Variants in EPB41L4B observed in about 807,000 individuals in gnomAD.
The protein encoded by EPB41L4B is band 4.1-like protein 4B.
EPB41L4B carries 30 observed loss-of-function variants against 112.5 expected under a neutral mutation model. The observed-to-expected ratio is 0.27, with a 90% CI of 0.20 to 0.36. The LOEUF is 0.36. Ranked by LOEUF, EPB41L4B falls within the 10% of genes least tolerant of loss-of-function variation. The probability of loss-of-function intolerance (pLI) is 1.00; values close to 1 mark genes in which losing one functional copy is unlikely to be tolerated. For synonymous variants in EPB41L4B, 408 were observed against 439.7 expected, an observed-to-expected ratio of 0.93 and a Z score of 0.90; for missense variants, 1,024 against 1,133.3, an observed-to-expected ratio of 0.90 and a Z score of 1.38.
chr9:109,318,149 ACG>A (rs1491485686), intron 1 of EPB41L4B, among the ~76,000 whole-genome samples: 3 of 102,966 alleles, frequency 2.9e-5, no homozygotes, highest in Admixed American at 1.1e-4. Context: ...GGGGGCATAT[ACG>A]TGTGTGTGTG....
intron 15 of EPB41L4B, among the ~76,000 whole-genome samples, chr9:109,231,201 T>C (rs1213079363): frequency 6.6e-6 from 1 of 151,678 alleles, no homozygotes; most frequent in Non-Finnish European, 1.5e-5. Context: ...TTGGGTGTAG[T>C]TTAGATTCCT....
At chr9:109,201,321 A>G (rs1832816965) in intron 19 of EPB41L4B, among the ~76,000 whole-genome samples, 1 of 152,042 alleles carries the variant, frequency 6.6e-6, no homozygotes, top group South Asian at 2.1e-4. Context: ...ATGGTGGCGC[A>G]TGTTTGTAGT....
intron 1 of EPB41L4B, among the ~76,000 whole-genome samples, chr9:109,281,605 G>T (rs764011939): frequency 9.9e-5 from 15 of 152,146 alleles, no homozygotes; most frequent in Non-Finnish European, 1.5e-4. Context: ...AGGAGGCTGA[G>T]GTCGGGGAGG....
At chr9:109,297,609 C>A (rs1836784741) in intron 1 of EPB41L4B, among the ~76,000 whole-genome samples, 1 of 152,242 alleles carries the variant, frequency 6.6e-6, no homozygotes, top group Non-Finnish European at 1.5e-5. Flanking sequence ...TGCCCAGGAC[C>A]TCTGACTCTA....
intron 17 of EPB41L4B, among the ~76,000 whole-genome samples, chr9:109,210,927 A>T (rs1251130525): frequency 6.6e-6 from 1 of 152,194 alleles, no homozygotes; most frequent in East Asian, 1.9e-4. Context: ...TTAGGCTTTG[A>T]TATTATTATA....
intron 7 of EPB41L4B, among the ~76,000 whole-genome samples, 158 bp from the exon 8 acceptor site, chr9:109,256,638 T>C (rs1480126723): frequency 2.0e-5 from 3 of 152,220 alleles, no homozygotes. Context: ...TTACTGTTAA[T>C]TGACTAGAAA....
intron 1 of EPB41L4B, among the ~76,000 whole-genome samples, chr9:109,288,104 GC>G (rs1836370235): frequency 6.6e-6 from 1 of 152,256 alleles, no homozygotes; most frequent in African/African-American, 2.4e-5. Flanking sequence ...GGGCCTTCAG[GC>G]CCCGTCACTA....
intron 22 of EPB41L4B, among the ~76,000 whole-genome samples, chr9:109,185,873 T>C (rs73523164): frequency 0.12 from 17,328 of 146,332 alleles, 1,529 homozygotes; most frequent in African/African-American, 0.25. Flanking sequence ...GCAGATGACA[T>C]ACCAAGACCC....
intron 15 of EPB41L4B, among the ~76,000 whole-genome samples, chr9:109,234,329 A>C (rs866212348): frequency 1.3e-5 from 2 of 152,184 alleles, no homozygotes; most frequent in South Asian, 4.1e-4. Context: ...AAGTGCACAA[A>C]CACAAGGTAC....
chr9:109,199,860 C>T (rs1056431451), intron 20 of EPB41L4B, among the ~76,000 whole-genome samples: 5 of 152,020 alleles, frequency 3.3e-5, no homozygotes, highest in South Asian at 2.1e-4. Context: ...TGTCAGCAAC[C>T]GTAAAAACAA....
chr9:109,294,935 T>A (rs553429623), intron 1 of EPB41L4B, among the ~76,000 whole-genome samples: 24 of 152,342 alleles, frequency 1.6e-4, no homozygotes, highest in African/African-American at 5.8e-4. Flanking sequence ...CAGTGTGGGC[T>A]GAGCCCTGAC....
At chr9:109,260,065 A>G (rs540071744) in intron 6 of EPB41L4B, among the ~76,000 whole-genome samples, 73 of 152,108 alleles carry the variant, frequency 4.8e-4, no homozygotes, top group African/African-American at 1.7e-3. Flanking sequence ...CTAAATCTTC[A>G]GTGTTTTTCT....
intron 5 of EPB41L4B, among the ~76,000 whole-genome samples, chr9:109,264,670 C>T (rs966520216): frequency 2.0e-5 from 3 of 152,308 alleles, no homozygotes; most frequent in South Asian, 2.1e-4. Flanking sequence ...ATACTAATAA[C>T]GTATCTTGCT....
intron 13 of EPB41L4B, among the ~76,000 whole-genome samples, chr9:109,248,044 G>A (rs1469682590): frequency 1.3e-5 from 2 of 152,216 alleles, no homozygotes; most frequent in African/African-American, 2.4e-5. Context: ...CCAGAATGCA[G>A]TCTCAATGTC....
chr9:109,308,929 A>C (rs78638550), intron 1 of EPB41L4B, among the ~76,000 whole-genome samples: 1 of 151,908 alleles, frequency 6.6e-6, no homozygotes, highest in African/African-American at 2.4e-5. Flanking sequence ...AATACAAAAA[A>C]TTAGCGCGTG....
At position 109,181,094 on chromosome 9, in the gene EPB41L4B, G is replaced by A. The variant is rs540937570; in HGVS notation, c.2487+1635C>T. ...TGGTGCAGTCATAGATCACTGCAGC[G>A]TCAGCCTCCTGGGCTCCAGAGATCC... is the stretch of plus-strand genomic sequence containing the variant. On this transcript the variant is annotated intron_variant, in intron 24 of 25. Transcript: ENST00000374566. Among the ~76,000 whole-genome samples, 55 of 152,250 alleles carry A rather than the reference G, an allele frequency of 3.6e-4. 1 individual carries two copies. The highest frequency in any genetic ancestry group is 1.1e-3 in the African/African-American group (45 of 41,564).
At chr9:109,320,079 G>A in intron 1 of EPB41L4B, 62 bp downstream of exon 1, 1 of 1,303,932 alleles carries the variant, frequency 7.7e-7, no homozygotes, top group Non-Finnish European at 9.9e-7. Context: ...AAGCACTGGG[G>A]GAGGGGGAGC....
chr9:109,277,315 CAAAA>C (rs35489544), intron 2 of EPB41L4B, among the ~76,000 whole-genome samples: 3 of 112,280 alleles, frequency 2.7e-5, no homozygotes, highest in Non-Finnish European at 1.8e-5. Context: ...AGTAGACATG[CAAAA>C]AAAAAAAAAA....
chr9:109,286,181 A>ATGGATGGATGGG lies in EPB41L4B; in HGVS notation c.307-6272_307-6261dup, dbSNP rs1282949263. 6.7e-4 allele frequency among the ~76,000 whole-genome samples: 100 copies of ATGGATGGATGGG among 150,334 alleles called. No homozygotes were observed. The Middle Eastern group carries it at 0.027, about 41-fold the overall frequency. On this transcript the variant is annotated intron_variant, in intron 1 of 25. Coordinates refer to ENST00000374566, the MANE Select transcript of EPB41L4B (RefSeq NM_019114.5). ...GGTGGGTGGGTGGATGGATGGATGGATGGATGGATGGGTGGATGGATGGAT... is the reference window on the plus strand; with the variant it reads ...GGTGGGTGGGTGGATGGATGGATGGATGGATGGATGGGTGGATGGATGGGTGGATGGATGGAT...
Sources: allele counts gnomAD v4.1 joint callset (sites outside exome capture counted in the v4.1 genomes callset), GRCh38; gene constraint gnomAD v4.1.1; transcripts MANE v1.5; gene names NCBI Gene and HGNC (gene_info 2026-07-23, HGNC 2026-07-21).